The following SH3BP1 variants were observed in gnomAD, a reference collection of about 807,000 sequenced individuals.
SH3BP1 encodes SH3 domain binding protein 1, also known as SH3 domain-binding protein 1.
Under a neutral mutation model 69.8 loss-of-function variants are expected in SH3BP1, and 46 were observed. The ratio of observed to expected loss-of-function variants is 0.66; its 90% CI spans 0.52 to 0.84. The LOEUF (loss-of-function observed/expected upper bound fraction) is 0.84. Ranked by LOEUF, SH3BP1 falls within the 40% of genes least tolerant of loss-of-function variation. The pLI, the probability that SH3BP1 is intolerant of heterozygous loss-of-function variation, is 0.00. For synonymous variants in SH3BP1, 403 were observed against 378.0 expected (o/e 1.07, Z -0.77); for missense variants, 868 against 930.9 (o/e 0.93, Z 0.88).
At chr22:37,645,079 G>A (rs1325177856) in intron 9 of SH3BP1, 119 bp downstream of exon 9, 1 of 982,446 alleles carries the variant, frequency 1.0e-6, no homozygotes, top group Non-Finnish European at 1.5e-6. Flanking sequence ...CTGAGAGCTA[G>A]GCTCAATCTG....
intron 8 of SH3BP1, 55 bp from the exon 9 acceptor site, chr22:37,644,815 T>G: frequency 6.2e-7 from 1 of 1,606,562 alleles, no homozygotes; most frequent in South Asian, 1.1e-5. Flanking sequence ...TCAAGGACCC[T>G]ATAGAAGGCT....
chr22:37,647,226 G>A (rs891125525), intron 11 of SH3BP1, 41 bp from the exon 12 acceptor site: 57 of 1,556,032 alleles, frequency 3.7e-5, no homozygotes, highest in Middle Eastern at 1.9e-4. Flanking sequence ...TGGGAGAGCG[G>A]GTGGGGGCTG....
chr22:37,639,911 C>A (rs567216832), intron 1 of SH3BP1, 65 bp downstream of exon 1: 211 of 500,382 alleles, frequency 4.2e-4, no homozygotes, highest in Middle Eastern at 2.1e-3. Flanking sequence ...GTAAAAGGGT[C>A]GGGGGAGACG....
intron 16 of SH3BP1, among the ~76,000 whole-genome samples, chr22:37,651,891 G>A (rs1239258110): frequency 6.6e-6 from 1 of 151,860 alleles, no homozygotes; most frequent in African/African-American, 2.4e-5. Flanking sequence ...GGGAGCGTGG[G>A]GGCTACTTTA....
intron 7 of SH3BP1, among the ~76,000 whole-genome samples, chr22:37,644,031 G>A (rs1218060245): frequency 6.6e-6 from 1 of 152,214 alleles, no homozygotes; most frequent in Admixed American, 6.5e-5. Flanking sequence ...CTGAGCGAGC[G>A]AGTGAATGAA....
At chr22:37,648,278 G>A (rs913891583) in intron 13 of SH3BP1, 41 bp from the exon 14 acceptor site, 2 of 1,372,542 alleles carry the variant, frequency 1.5e-6, no homozygotes, top group Non-Finnish European at 2.0e-6. Context: ...CTCAGGGCTG[G>A]GTGCGTTCTG....
chr22:37,644,846 C>G (rs371608064), intron 8 of SH3BP1, 24 bp from the exon 9 acceptor site: 3 of 1,612,946 alleles, frequency 1.9e-6, no homozygotes, highest in South Asian at 1.1e-5. Flanking sequence ...CACTTCCGCT[C>G]AGGGTGTCCC....
intron 13 of SH3BP1, 123 bp from the exon 14 acceptor site, chr22:37,648,196 T>C: frequency 1.4e-6 from 1 of 699,862 alleles, no homozygotes; most frequent in South Asian, 1.7e-5. Context: ...TAAGCTGATT[T>C]AACTGTGACA....
In SH3BP1 at chr22:37,643,675, A is replaced by G; in HGVS notation, c.505A>G (p.Ser169Gly). The G allele has an allele frequency of 6.2e-7, 1 of 1,614,188 alleles. No individual in the cohort carries two copies. Among genetic ancestry groups the G allele is most frequent in the Non-Finnish European group, 8.5e-7 (1 of 1,180,044 alleles). The change falls in exon 7 of 18, where the codon AGT (serine) becomes GGT (glycine). Residue 169 changes from serine (S) to glycine (G), a missense_variant. Physicochemically the swap from Ser to Gly is moderately conservative, Grantham distance 56. Transcript: ENST00000649765. ...LSQATKNSGS[S>G]QGLGGSPGSH... ...TCAGGCAACCAAGAATTCAGGCAGCAGTCAAGGCCTAGGAGGCAGCCCGGG... is the reference window on the plus strand; with the variant it reads ...TCAGGCAACCAAGAATTCAGGCAGCGGTCAAGGCCTAGGAGGCAGCCCGGG...
At position 37,651,852 on chromosome 22, in the gene SH3BP1, G is replaced by A. The variant is rs142282586; in HGVS notation, c.1598+1127G>A. Among the ~76,000 whole-genome samples, 322 of 151,906 alleles carry A rather than the reference G, an allele frequency of 2.1e-3. 1 individual carries two copies. Among genetic ancestry groups the A allele is most frequent in the African/African-American group, 7.5e-3 (311 of 41,396 alleles). On this transcript the variant is annotated intron_variant, in intron 16 of 17. Transcript: ENST00000649765. ...TCTCTATAGTGTCAGGTGGAGAGGC[G>A]CTGCTAAGGGAGGGGGAGCAGGTTA...
intron 1 of SH3BP1, chr22:37,640,881 C>T (rs987362449): frequency 1.6e-5 from 9 of 546,720 alleles, no homozygotes; most frequent in African/African-American, 9.7e-5. Flanking sequence ...TTCATCTGTC[C>T]GCCCTCTCTC....
In SH3BP1 at chr22:37,645,714, T is replaced by G. The variant is rs142419281; in HGVS notation, c.924+204T>G. On this transcript the variant is annotated intron_variant, in intron 10 of 17. Transcript: ENST00000649765. The stretch of plus-strand genomic sequence containing the variant: ...GGGCCAAGCGCTGTACTAGAAGCCT[T>G]TGCATTCCAGGCTCCATTTCACAAT... Among the ~76,000 whole-genome samples the G allele has an allele frequency of 1.8e-3, 278 of 152,264 alleles. 3 individuals carry two copies. In the East Asian group the frequency reaches 0.038, roughly 21 times the overall value.
At chr22:37,648,659 G>T in intron 14 of SH3BP1, 7 of 436,476 alleles carry the variant, frequency 1.6e-5, no homozygotes, top group East Asian at 3.8e-5. Context: ...GTGATGAGGT[G>T]TTTAGTGGCA....
chr22:37,647,124 C>T (rs953714182), intron 11 of SH3BP1, 143 bp from the exon 12 acceptor site: 1 of 839,438 alleles, frequency 1.2e-6, no homozygotes, highest in African/African-American at 1.7e-5. Flanking sequence ...GGCTAGCCTT[C>T]ATTTTCTCAA....
In SH3BP1 at chr22:37,641,107, C is replaced by CT. The variant is rs755011439; in HGVS notation, c.60-19_60-18insT. The CT allele has an allele frequency of 1.5e-6, 2 of 1,363,286 alleles. No individual in the cohort carries two copies. Among genetic ancestry groups the CT allele is most frequent in the Non-Finnish European group, 2.0e-6 (2 of 992,478 alleles). 84.4% of individuals were successfully genotyped at this position (1,363,286 alleles called of 1,614,324 possible). On this transcript the variant is annotated intron_variant, in intron 1 of 17. Coordinates refer to ENST00000649765, the MANE Select transcript of SH3BP1 (RefSeq NM_018957.6). Reference sequence around the variant, plus strand: ...CTCAGCAGAAGCACTCTCCCCCCCCCCCCCACCACTCCCCGCAGCACCCCG... The same window carrying CT: ...CTCAGCAGAAGCACTCTCCCCCCCCCTCCCCACCACTCCCCGCAGCACCCCG...
rs754882447 is a variant in SH3BP1, at chr22:37,650,738, G to A, written c.1598+13G>A. The A allele has an allele frequency of 2.5e-6, 4 of 1,589,538 alleles. No individual in the cohort carries two copies. The African/African-American group carries it at 4.0e-5, about 16-fold the overall frequency. On this transcript the variant is annotated intron_variant, in intron 16 of 17. Coordinates refer to ENST00000649765, the MANE Select transcript of SH3BP1 (RefSeq NM_018957.6). ...CTACCAAGGAAAGGTGAGGACTGAG[G>A]GGCTTGAATGGCTCCTGTGGTACTC...
At chr22:37,645,154 G>T in intron 9 of SH3BP1, 194 bp downstream of exon 9, 1 of 823,712 alleles carries the variant, frequency 1.2e-6, no homozygotes, top group South Asian at 1.7e-5. Flanking sequence ...CTAGAGCCAG[G>T]CCTGTGAGGC....
chr22:37,641,397 C>G lies in SH3BP1; in HGVS notation c.126C>G (p.Ala42=), dbSNP rs1932590059. ...LLQVEQRLEP[A]KRAAHNIHKR... ...AGGTAGAACAGCGGCTGGAGCCGGC[C>G]AAGCGGGCAGCCCACAACATCCACA... Residue 42 remains alanine, a synonymous_variant, in exon 3 of 18, where the codon GCC becomes GCG. Transcript: ENST00000649765. 1 of 1,550,770 alleles carries G rather than the reference C, an allele frequency of 6.4e-7. No individual in the cohort carries two copies. Among genetic ancestry groups the G allele is most frequent in the Non-Finnish European group, 8.7e-7 (1 of 1,147,044 alleles).
At chr22:37,647,370 G>C in intron 12 of SH3BP1, 22 bp downstream of exon 12, 1 of 1,613,334 alleles carries the variant, frequency 6.2e-7, no homozygotes, top group South Asian at 1.1e-5. Context: ...GGAGGAGGGA[G>C]GGGATGGGGA....
Sources: allele counts gnomAD v4.1 joint callset (sites outside exome capture counted in the v4.1 genomes callset), GRCh38; gene constraint gnomAD v4.1.1; transcripts MANE v1.5; gene names NCBI Gene and HGNC (gene_info 2026-07-23, HGNC 2026-07-21).